KDELR2: variants seen among roughly 807,000 people sequenced by gnomAD.
KDELR2 encodes the protein ER lumen protein-retaining receptor 2.
KDELR2 carries 15 observed loss-of-function variants against 23.9 expected under a neutral mutation model. That is an observed-to-expected ratio of 0.63 (90% CI 0.42 to 0.97). KDELR2 has a LOEUF of 0.97. Among genes scored for constraint, KDELR2 ranks in the 50% least tolerant of loss-of-function variants. The probability of loss-of-function intolerance (pLI) is 0.00; values close to 1 mark genes in which losing one functional copy is unlikely to be tolerated. For synonymous variants in KDELR2, 119 were observed against 106.2 expected (o/e 1.12, Z -0.74); for missense variants, 272 against 254.6 (o/e 1.07, Z -0.46).
chr7:6,474,341 G>C, intron 1 of KDELR2, 57 bp from the exon 2 acceptor site: 1 of 1,196,582 alleles, frequency 8.4e-7, no homozygotes. Flanking sequence ...GATTCCTGTG[G>C]ATCACACTGT....
intron 1 of KDELR2, among the ~76,000 whole-genome samples, chr7:6,483,479 G>A (rs1201504704): frequency 6.6e-6 from 1 of 152,096 alleles, no homozygotes; most frequent in East Asian, 1.9e-4. Flanking sequence ...CTCTCCCGGC[G>A]CCCGCCCCAC....
At chr7:6,474,350 G>T in intron 1 of KDELR2, 66 bp from the exon 2 acceptor site, 1 of 1,055,130 alleles carries the variant, frequency 9.5e-7, no homozygotes, top group Non-Finnish European at 1.5e-6. Flanking sequence ...GGATCACACT[G>T]TGCAGGGAGT....
At chr7:6,469,011 G>A (rs1489456226) in intron 3 of KDELR2, among the ~76,000 whole-genome samples, 4 of 151,054 alleles carry the variant, frequency 2.6e-5, no homozygotes, top group African/African-American at 9.7e-5. Flanking sequence ...GAGTGTAGTG[G>A]CACAATCTCA....
chr7:6,467,587 C>A (rs1243537596), intron 3 of KDELR2, among the ~76,000 whole-genome samples: 3 of 152,054 alleles, frequency 2.0e-5, no homozygotes, highest in Non-Finnish European at 2.9e-5. Flanking sequence ...ATGGTGAAAC[C>A]CGGTCTCTAC....
At chr7:6,468,890 C>T (rs1444143728) in intron 3 of KDELR2, among the ~76,000 whole-genome samples, 1 of 152,148 alleles carries the variant, frequency 6.6e-6, no homozygotes, top group East Asian at 1.9e-4. Context: ...ATCTGCCCAC[C>T]TCGGCCTCCC....
chr7:6,480,626 C>T (rs1317785631), intron 1 of KDELR2, among the ~76,000 whole-genome samples: 3 of 151,762 alleles, frequency 2.0e-5, no homozygotes, highest in Non-Finnish European at 2.9e-5. Context: ...ACCATGGTTC[C>T]GAGACTAAAA....
chr7:6,483,918 G>A (rs770227257), intron 1 of KDELR2, 49 bp downstream of exon 1: 2 of 1,390,380 alleles, frequency 1.4e-6, no homozygotes, highest in Non-Finnish European at 1.9e-6. Context: ...TCCTCGGCGA[G>A]ACCCGGCCCC....
At chr7:6,472,173 C>T (rs1785660353) in intron 2 of KDELR2, among the ~76,000 whole-genome samples, 1 of 152,126 alleles carries the variant, frequency 6.6e-6, no homozygotes, top group Admixed American at 6.5e-5. Context: ...AAACAAGACA[C>T]ACATCCATCT....
At position 6,466,253 on chromosome 7, in the gene KDELR2, G is replaced by T. The variant is rs1785501012; in HGVS notation, c.422C>A (p.Thr141Asn). The T allele has an allele frequency of 3.7e-6, 6 of 1,614,114 alleles. No homozygotes were observed. The highest frequency in any genetic ancestry group is 5.1e-6 in the Non-Finnish European group (6 of 1,179,988). ...GGTGGTGATGGTCTCGGCCTCCCCA[G>T]TCTTGCTGATCATAAATAGCTGCGG... is the stretch of plus-strand genomic sequence containing the variant. ...ILPQLFMISK[T>N]GEAETITTHY... The change falls in exon 4 of 5, where the codon ACT becomes AAT. Residue 141 changes from threonine (T) to asparagine (N), a missense_variant. Coordinates refer to ENST00000258739, the MANE Select transcript of KDELR2 (RefSeq NM_006854.4).
chr7:6,482,625 T>C (rs1485835993), intron 1 of KDELR2: 1 of 463,230 alleles, frequency 2.2e-6, no homozygotes, highest in South Asian at 1.6e-5. Flanking sequence ...AAGTGTGACT[T>C]TAGACGCCAA....
intron 1 of KDELR2, among the ~76,000 whole-genome samples, chr7:6,483,744 A>T (rs1785964777): frequency 6.6e-6 from 1 of 152,228 alleles, no homozygotes; most frequent in East Asian, 1.9e-4. Flanking sequence ...TCACGCGGGG[A>T]CCGACTGCAG....
chr7:6,468,839 A>G lies in KDELR2; in HGVS notation c.351+757T>C, dbSNP rs1375057019. 2.0e-5 allele frequency among the ~76,000 whole-genome samples: 3 copies of G among 151,864 alleles called. No individual in the cohort carries two copies. The East Asian group carries it at 5.8e-4, about 30-fold the overall frequency. On this transcript the variant is annotated intron_variant, in intron 3 of 4. Transcript: ENST00000258739. ...TTTCTAATAGAGACAGGGTTTCACC[A>G]TGTTGGCCAGGCTGAATGCCTGAAC... is the stretch of plus-strand genomic sequence containing the variant.
intron 2 of KDELR2, 154 bp from the exon 3 acceptor site, chr7:6,469,908 T>C (rs377258149): frequency 3.2e-6 from 2 of 627,126 alleles, no homozygotes; most frequent in Non-Finnish European, 5.2e-6. Flanking sequence ...AAAATTCTCT[T>C]TTTTGGAGGT....
intron 1 of KDELR2, among the ~76,000 whole-genome samples, chr7:6,475,627 C>A (rs1245544122): frequency 1.3e-5 from 2 of 152,208 alleles, no homozygotes; most frequent in East Asian, 3.9e-4. Flanking sequence ...CAGCCACACT[C>A]AGCCAGGAAG....
In KDELR2 at chr7:6,466,689, C is replaced by A. The variant is rs145347705; in HGVS notation, c.352-366G>T. ...TAGGAGCCCTGAGCTTGTTTTCCTG[C>A]AACTAGATGGTCCTATCTGGGGGTG... On this transcript the variant is annotated intron_variant, in intron 3 of 4. Transcript: ENST00000258739. Among the ~76,000 whole-genome samples, 280 of 151,882 alleles carry A rather than the reference C, an allele frequency of 1.8e-3. 1 individual carries two copies. The highest frequency in any genetic ancestry group is 6.4e-3 in the African/African-American group (267 of 41,420).
chr7:6,463,096 G>C lies in KDELR2; in HGVS notation c.*45C>G. The C allele has an allele frequency of 6.2e-7, 1 of 1,614,172 alleles. No individual in the cohort carries two copies. Among genetic ancestry groups the C allele is most frequent in the Non-Finnish European group, 8.5e-7 (1 of 1,180,034 alleles). On this transcript the variant is annotated 3_prime_UTR_variant, in exon 5 of 5. Coordinates refer to ENST00000258739, the MANE Select transcript of KDELR2 (RefSeq NM_006854.4). Reference sequence around the variant, plus strand: ...ATGCCTTTGCTGTGGTAAGAATTCTGTCCGAGCACCCTGAAGGACAGATGC... The same window carrying C: ...ATGCCTTTGCTGTGGTAAGAATTCTCTCCGAGCACCCTGAAGGACAGATGC...
intron 2 of KDELR2, among the ~76,000 whole-genome samples, chr7:6,473,183 A>T (rs1353806911): frequency 6.9e-6 from 1 of 144,828 alleles, no homozygotes; most frequent in Non-Finnish European, 1.5e-5. Flanking sequence ...TTGGCCTCCC[A>T]AAGTGCTGGG....
In KDELR2 at chr7:6,484,072, T is replaced by C. The variant is rs759519707; in HGVS notation, c.-15A>G. On this transcript the variant is annotated 5_prime_UTR_variant, in exon 1 of 5. Coordinates refer to ENST00000258739, the MANE Select transcript of KDELR2 (RefSeq NM_006854.4). Reference sequence around the variant, plus strand: ...AAAATGTTCATGGCGGCGGCGGCGGTGGCGGTCGGCGCAGCGCGGCGGCCC... The same window carrying C: ...AAAATGTTCATGGCGGCGGCGGCGGCGGCGGTCGGCGCAGCGCGGCGGCCC... 13 of 1,473,680 alleles carry C rather than the reference T, an allele frequency of 8.8e-6. No individual in the cohort carries two copies. Among genetic ancestry groups the C allele is most frequent in the Admixed American group, 2.3e-5 (1 of 44,174 alleles). The allele number at this position is 1,473,680 out of a possible 1,614,324, so 91.3% of individuals were successfully genotyped here.
At chr7:6,479,571 G>T (rs560027989) in intron 1 of KDELR2, among the ~76,000 whole-genome samples, 2 of 152,184 alleles carry the variant, frequency 1.3e-5, no homozygotes, top group East Asian at 3.9e-4. Context: ...CCACCTCTCG[G>T]GTTCATGCCA....
Sources: allele counts gnomAD v4.1 joint callset (sites outside exome capture counted in the v4.1 genomes callset), GRCh38; gene constraint gnomAD v4.1.1; transcripts MANE v1.5; gene names NCBI Gene and HGNC (gene_info 2026-07-23, HGNC 2026-07-21).